TENM2: variants seen among roughly 807,000 people sequenced by gnomAD.
TENM2 encodes the protein teneurin transmembrane protein 2.
Under a neutral mutation model 245.2 loss-of-function variants are expected in TENM2, and 52 were observed. The ratio of observed to expected loss-of-function variants is 0.21; its 90% CI spans 0.17 to 0.27. The LOEUF (loss-of-function observed/expected upper bound fraction) is 0.27. Ranked by LOEUF, TENM2 falls within the 10% of genes least tolerant of loss-of-function variation. The pLI, the probability that TENM2 is intolerant of heterozygous loss-of-function variation, is 1.00. For missense variants in TENM2, 3,046 were observed against 3,666.8 expected, an observed-to-expected ratio of 0.83 and a Z score of 4.37; for synonymous variants, 1,363 against 1,438.9, an observed-to-expected ratio of 0.95 and a Z score of 1.19.
At chr5:167,396,850 G>A (rs1762082183) in intron 2 of TENM2, among the ~76,000 whole-genome samples, 2 of 152,164 alleles carry the variant, frequency 1.3e-5, no homozygotes, top group East Asian at 1.9e-4. Context: ...GTAAGGCTTT[G>A]AATGTCAAGG....
intron 2 of TENM2, among the ~76,000 whole-genome samples, chr5:167,870,722 A>ATG (rs1256155352): frequency 6.7e-6 from 1 of 150,060 alleles, no homozygotes. Context: ...ATATATATAT[A>ATG]TATGTGTGAT....
chr5:167,650,794 T>C (rs1754406166), intron 2 of TENM2, among the ~76,000 whole-genome samples: 3 of 152,188 alleles, frequency 2.0e-5, no homozygotes, highest in Admixed American at 2.0e-4. Context: ...TGACTTGTTA[T>C]ATAGAACTTG....
At chr5:167,834,147 C>T (rs1006135332) in intron 2 of TENM2, among the ~76,000 whole-genome samples, 3 of 152,054 alleles carry the variant, frequency 2.0e-5, no homozygotes, top group East Asian at 1.9e-4. Context: ...ATTTGAAAAA[C>T]GAGAAATAGG....
chr5:167,795,593 A>T (rs565330619), intron 2 of TENM2, among the ~76,000 whole-genome samples: 37 of 152,298 alleles, frequency 2.4e-4, no homozygotes, highest in African/African-American at 8.9e-4. Context: ...GGGAGAAAAA[A>T]GTCTTGAAGG....
intron 27 of TENM2, among the ~76,000 whole-genome samples, chr5:168,255,480 A>G (rs1408367339): frequency 6.6e-6 from 1 of 151,820 alleles, no homozygotes; most frequent in Non-Finnish European, 1.5e-5. Context: ...TTTTTTGTAT[A>G]TCTTTAGTAG....
At chr5:167,297,973 C>T (rs1035197258) in intron 1 of TENM2, among the ~76,000 whole-genome samples, 14 of 151,978 alleles carry the variant, frequency 9.2e-5, no homozygotes, top group Admixed American at 2.0e-4. Flanking sequence ...AGGCAGGAAC[C>T]GGCCATCTGG....
At chr5:168,148,990 G>T (rs551998826) in intron 12 of TENM2, among the ~76,000 whole-genome samples, 5 of 152,128 alleles carry the variant, frequency 3.3e-5, no homozygotes, top group Non-Finnish European at 7.3e-5. Context: ...GGCCTATAGG[G>T]TTAAAGAGAA....
At chr5:167,502,044 G>T (rs934803955) in intron 2 of TENM2, among the ~76,000 whole-genome samples, 2 of 151,750 alleles carry the variant, frequency 1.3e-5, no homozygotes, top group Non-Finnish European at 2.9e-5. Context: ...CATGTTGCTT[G>T]CTCTAGATAG....
chr5:167,043,378 A>T, the TENM2 span, among the ~76,000 whole-genome samples: 2 of 152,354 alleles, frequency 1.3e-5, no homozygotes, highest in African/African-American at 2.4e-5. Flanking sequence ...AGGAATGTTT[A>T]TTTCTGTCGG....
intron 2 of TENM2, among the ~76,000 whole-genome samples, chr5:167,489,905 A>G (rs1768319752): frequency 6.6e-6 from 1 of 152,210 alleles, no homozygotes; most frequent in Non-Finnish European, 1.5e-5. Context: ...CCATTTCAAT[A>G]ATATTAATAT....
exon 18 of TENM2, chr5:168,203,694 G>A (rs560223231): frequency 4.4e-6 from 7 of 1,605,780 alleles, no homozygotes; most frequent in African/African-American, 1.3e-5. Context: ...TTCAGTGTCT[G>A]TCGGGTTTGA....
chr5:168,190,725 A>G (rs1760881334), intron 14 of TENM2, 178 bp downstream of exon 16: 2 of 583,268 alleles, frequency 3.4e-6, no homozygotes, highest in Admixed American at 6.3e-5. Flanking sequence ...GTTGGGCTCC[A>G]GAACAGAGCC....
At chr5:168,207,362 G>A (rs1349026068) in intron 19 of TENM2, among the ~76,000 whole-genome samples, 1 of 152,170 alleles carries the variant, frequency 6.6e-6, no homozygotes, top group Non-Finnish European at 1.5e-5. Flanking sequence ...CGTCAATGGT[G>A]CAAGCTAAGG....
At chr5:167,190,378 C>T in the TENM2 span, among the ~76,000 whole-genome samples, 1 of 152,056 alleles carries the variant, frequency 6.6e-6, no homozygotes. Flanking sequence ...TGAAGCTTCG[C>T]ATCCCCTCTT....
intron 10 of TENM2, among the ~76,000 whole-genome samples, chr5:168,119,105 T>C (rs1795294655): frequency 6.6e-6 from 1 of 152,168 alleles, no homozygotes. Context: ...TTTATGTCAT[T>C]TAGAAACACC....
At chr5:167,610,254 A>G (rs924093481) in intron 2 of TENM2, among the ~76,000 whole-genome samples, 4 of 151,546 alleles carry the variant, frequency 2.6e-5, no homozygotes, top group Non-Finnish European at 1.5e-5. Flanking sequence ...CCCTCCAGGA[A>G]CCCCCGTGTG....
the TENM2 span, among the ~76,000 whole-genome samples, chr5:167,176,660 C>A: frequency 2.0e-5 from 3 of 152,146 alleles, no homozygotes; most frequent in Non-Finnish European, 2.9e-5. Flanking sequence ...ACCATTGGTA[C>A]GTAATTACTT....
chr5:167,098,227 G>C, the TENM2 span, among the ~76,000 whole-genome samples: 63 of 152,286 alleles, frequency 4.1e-4, 1 homozygote, highest in Non-Finnish European at 3.5e-4. Flanking sequence ...TGATCTGATG[G>C]ACTGAACCCT....
At chr5:167,847,034 G>T (rs1770107185) in intron 2 of TENM2, among the ~76,000 whole-genome samples, 1 of 152,176 alleles carries the variant, frequency 6.6e-6, no homozygotes, top group Non-Finnish European at 1.5e-5. Flanking sequence ...AAGGCTCACT[G>T]CAGTCTCAAC....
Sources: allele counts gnomAD v4.1 joint callset (sites outside exome capture counted in the v4.1 genomes callset), GRCh38; gene constraint gnomAD v4.1.1; transcripts MANE v1.5; gene names NCBI Gene and HGNC (gene_info 2026-07-23, HGNC 2026-07-21).